LPCAT2: variants seen among roughly 807,000 people sequenced by gnomAD.
The protein encoded by LPCAT2 is 1-AGP acyltransferase 11.
LPCAT2 carries 58 observed loss-of-function variants against 64.7 expected under a neutral mutation model. That is an observed-to-expected ratio of 0.90 (90% CI 0.73 to 1.12). LPCAT2 has a LOEUF of 1.12. Among genes scored for constraint, LPCAT2 ranks in the 50% most tolerant of loss-of-function variants. LPCAT2 has a pLI of 0.00. For synonymous variants in LPCAT2, 252 were observed against 245.3 expected (o/e 1.03, Z -0.26); for missense variants, 579 against 669.8 (o/e 0.86, Z 1.50).
chr16:55,546,422 AG>A (rs1963454388), intron 9 of LPCAT2, among the ~76,000 whole-genome samples: 1 of 152,182 alleles, frequency 6.6e-6, no homozygotes, highest in Non-Finnish European at 1.5e-5. Flanking sequence ...AGAGCCCTCC[AG>A]GTGTGCATCC....
At chr16:55,510,791 A>G (rs1367264312) in intron 1 of LPCAT2, among the ~76,000 whole-genome samples, 8 of 152,218 alleles carry the variant, frequency 5.3e-5, no homozygotes, top group Non-Finnish European at 1.2e-4. Flanking sequence ...AAATACATAG[A>G]CCATTGTTCA....
chr16:55,542,049 A>AT, intron 8 of LPCAT2: 2 of 997,928 alleles, frequency 2.0e-6, no homozygotes, highest in African/African-American at 1.7e-5. Flanking sequence ...CTTCCTCATC[A>AT]TTTTTTTAGT....
At chr16:55,567,665 T>A in intron 11 of LPCAT2, 1 of 690,440 alleles carries the variant, frequency 1.4e-6, no homozygotes, top group Non-Finnish European at 2.4e-6. Context: ...ACTGCTGAAT[T>A]AAAACAGATA....
At chr16:55,536,631 G>A (rs193207621) in intron 7 of LPCAT2, among the ~76,000 whole-genome samples, 48 of 152,074 alleles carry the variant, frequency 3.2e-4, no homozygotes, top group African/African-American at 1.0e-3. Flanking sequence ...AGTTCCCTCA[G>A]GTAATTTTTA....
chr16:55,523,239 G>A (rs1963123114), intron 1 of LPCAT2, among the ~76,000 whole-genome samples: 1 of 151,642 alleles, frequency 6.6e-6, no homozygotes, highest in African/African-American at 2.4e-5. Context: ...GTGGATCAAA[G>A]CCACATGAGA....
chr16:55,567,560 A>G, intron 11 of LPCAT2: 1 of 1,548,682 alleles, frequency 6.5e-7, no homozygotes, highest in Non-Finnish European at 8.8e-7. Context: ...AACCTTGCCA[A>G]GCTGTACACA....
intron 9 of LPCAT2, among the ~76,000 whole-genome samples, chr16:55,547,307 A>ACACAAC (rs1963465128): frequency 1.3e-5 from 2 of 152,322 alleles, no homozygotes; most frequent in African/African-American, 4.8e-5. Context: ...AAAAACCTTG[A>ACACAAC]TTAGCTGCAC....
At chr16:55,566,818 G>A in intron 11 of LPCAT2, 1 of 1,613,764 alleles carries the variant, frequency 6.2e-7, no homozygotes, top group Non-Finnish European at 8.5e-7. Flanking sequence ...GCTCTTGGAG[G>A]CCTCTTTGGA....
chr16:55,574,699 C>T lies in LPCAT2; in HGVS notation c.1284C>T (p.Asn428=). 6.2e-7 allele frequency: 1 copy of T among 1,613,544 alleles called. No homozygotes were observed. Among genetic ancestry groups the T allele is most frequent in the East Asian group, 2.2e-5 (1 of 44,850 alleles). The change falls in exon 12 of 14, where the codon AAC becomes AAT. Residue 428 remains asparagine (N), a synonymous_variant. Coordinates refer to ENST00000262134, the MANE Select transcript of LPCAT2 (RefSeq NM_017839.5). ...TGGCTGTCTTGTGCAACCCTTCCAACACAGAGGAGATCATCCAGGTGGCAT... is the reference window on the plus strand; with the variant it reads ...TGGCTGTCTTGTGCAACCCTTCCAATACAGAGGAGATCATCCAGGTGGCAT... ...IGLAVLCNPS[N]TEEIIQVAFK...
At chr16:55,565,643 C>A (rs1397391586) in intron 11 of LPCAT2, among the ~76,000 whole-genome samples, 13 of 151,858 alleles carry the variant, frequency 8.6e-5, no homozygotes, top group African/African-American at 3.1e-4. Flanking sequence ...ATAAGGCATG[C>A]AGAGTAGTCA....
intron 11 of LPCAT2, among the ~76,000 whole-genome samples, chr16:55,570,164 C>T (rs185111523): frequency 1.3e-5 from 2 of 152,060 alleles, no homozygotes; most frequent in Admixed American, 1.3e-4. Flanking sequence ...AATTTTATAA[C>T]CTATAAAAAA....
chr16:55,578,726 A>G (rs554951840), intron 12 of LPCAT2, among the ~76,000 whole-genome samples: 2 of 152,258 alleles, frequency 1.3e-5, no homozygotes, highest in Non-Finnish European at 2.9e-5. Flanking sequence ...GTTTGTCTCT[A>G]TCTCCTGACT....
chr16:55,549,963 C>T (rs1963497404), intron 10 of LPCAT2, among the ~76,000 whole-genome samples: 1 of 152,112 alleles, frequency 6.6e-6, no homozygotes, highest in African/African-American at 2.4e-5. Context: ...AACCCTCAAC[C>T]TCCCTCTACC....
At chr16:55,538,805 T>A (rs1373941371) in intron 8 of LPCAT2, 4 of 152,194 alleles carry the variant, frequency 2.6e-5, no homozygotes, top group African/African-American at 9.6e-5. Context: ...ATGAATTTTT[T>A]TTTTCTCAAG....
At chr16:55,511,250 G>C (rs1359643626) in intron 1 of LPCAT2, among the ~76,000 whole-genome samples, 1 of 151,954 alleles carries the variant, frequency 6.6e-6, no homozygotes, top group East Asian at 1.9e-4. Context: ...TTACTACTTG[G>C]ATTAAATGGG....
intron 11 of LPCAT2, among the ~76,000 whole-genome samples, chr16:55,555,285 T>C (rs1366471699): frequency 6.6e-6 from 1 of 152,188 alleles, no homozygotes; most frequent in Non-Finnish European, 1.5e-5. Context: ...CTTTTAACAG[T>C]TTAATAATGT....
In LPCAT2 at chr16:55,568,757, C is replaced by T. The variant is rs550678242; in HGVS notation, c.1216-5874C>T. Among the ~76,000 whole-genome samples the T allele has an allele frequency of 4.6e-5, 7 of 152,228 alleles. No individual in the cohort carries two copies. The South Asian group carries it at 1.2e-3, about 27-fold the overall frequency. Reference sequence around the variant, plus strand: ...GGCCATGCAGGAGAGTCAGTGTTGCCAGCATTCAGGAGAAGGAAGATAGAA... The same window carrying T: ...GGCCATGCAGGAGAGTCAGTGTTGCTAGCATTCAGGAGAAGGAAGATAGAA... On this transcript the variant is annotated intron_variant, in intron 11 of 13. Transcript: ENST00000262134.
At chr16:55,561,553 C>T (rs1963636619) in intron 11 of LPCAT2, among the ~76,000 whole-genome samples, 1 of 145,356 alleles carries the variant, frequency 6.9e-6, no homozygotes, top group East Asian at 2.0e-4. Context: ...AAATGCCCTC[C>T]ATCTTCACGG....
rs760900402 is a variant in LPCAT2 at position 55,534,460 on chromosome 16, A to T, written c.780A>T (p.Thr260=). ...YPNKLDTVTW[T]WQGYTFIQLC... ...TATTATAGGATACTGTGACCTGGACATGGCAAGGATATACATTGTAAGTCA... is the reference window on the plus strand; with the variant it reads ...TATTATAGGATACTGTGACCTGGACTTGGCAAGGATATACATTGTAAGTCA... Residue 260 remains threonine, a synonymous_variant, in exon 7 of 14, where the codon ACA becomes ACT. Coordinates refer to ENST00000262134, the MANE Select transcript of LPCAT2 (RefSeq NM_017839.5). The T allele has an allele frequency of 3.3e-6, 5 of 1,530,386 alleles. No homozygotes were observed. The highest frequency in any genetic ancestry group is 2.4e-5 in the South Asian group (2 of 81,734). The allele number at this position is 1,530,386 out of a possible 1,614,324, so 94.8% of individuals were successfully genotyped here. A position where few individuals can be genotyped will look rare whatever the true frequency, so the allele number is the denominator to read the frequency against.
Sources: gnomAD v4.1 joint callset for allele counts (sites outside exome capture counted in the v4.1 genomes callset) on GRCh38, gnomAD v4.1.1 for gene constraint, MANE v1.5 for transcripts, NCBI Gene and HGNC (gene_info 2026-07-23, HGNC 2026-07-21) for gene names.